The following PPP1R12B variants were observed in gnomAD, a reference collection of about 807,000 sequenced individuals.
The protein encoded by PPP1R12B is myosin phosphatase target subunit 2.
PPP1R12B carries 76 observed loss-of-function variants against 126.1 expected under a neutral mutation model. The ratio of observed to expected loss-of-function variants is 0.60; its 90% CI spans 0.50 to 0.73. PPP1R12B has a LOEUF of 0.73. Among genes scored for constraint, PPP1R12B ranks in the 30% least tolerant of loss-of-function variants. The probability of loss-of-function intolerance (pLI) is 0.00; values close to 1 mark genes in which losing one functional copy is unlikely to be tolerated. For missense variants in PPP1R12B, 1,052 were observed against 1,205.1 expected (o/e 0.87, Z 1.88); for synonymous variants, 356 against 434.7 (o/e 0.82, Z 2.25).
chr1:202,495,728 C>G (rs1053143637), intron 17 of PPP1R12B, 46 bp downstream of exon 17: 1 of 1,518,366 alleles, frequency 6.6e-7, no homozygotes, highest in African/African-American at 1.4e-5. Context: ...TACTCTTGGT[C>G]ACCATTCTTT....
In PPP1R12B at chr1:202,586,156, A is replaced by AGAG. The variant is rs1158830528; in HGVS notation, c.*5600_*5602dup. On this transcript the variant is annotated 3_prime_UTR_variant, in exon 24 of 24. Transcript: ENST00000608999. ...GGTCTTTCCTTCAAAGCAGGTCTGA[A>AGAG]GAGGAGACTACCAAAGCAGTGTTTA... The AGAG allele has an allele frequency of 6.6e-6, 1 of 152,272 alleles. No individual in the cohort carries two copies. Among genetic ancestry groups the AGAG allele is most frequent in the Non-Finnish European group, 1.5e-5 (1 of 68,078 alleles). 9.4% of individuals were successfully genotyped at this position (152,272 alleles called of 1,614,324 possible).
At chr1:202,432,407 A>G (rs1670301195) in intron 8 of PPP1R12B, among the ~76,000 whole-genome samples, 1 of 152,008 alleles carries the variant, frequency 6.6e-6, no homozygotes, top group South Asian at 2.1e-4. Flanking sequence ...AGCTGGGACT[A>G]CAGGTGTGCA....
At chr1:202,575,131 C>A in intron 23 of PPP1R12B, 1 of 1,613,280 alleles carries the variant, frequency 6.2e-7, no homozygotes. Context: ...CACCCAGGAG[C>A]TCTAGTTCTT....
rs74413125 is a variant in PPP1R12B, at chr1:202,437,193, A to C, written c.1255-628A>C. Among the ~76,000 whole-genome samples, 217 of 152,126 alleles carry C rather than the reference A, an allele frequency of 1.4e-3. 4 individuals carry two copies. The East Asian group carries it at 0.039, about 27-fold the overall frequency. On this transcript the variant is annotated intron_variant, in intron 9 of 23. Transcript: ENST00000608999. ...AAAATTTAGAGAAAATTAACTGGGC[A>C]TGGTGGTACATGCTGATAGTCCCAG...
chr1:202,378,178 AAT>A (rs1331598695), intron 1 of PPP1R12B, among the ~76,000 whole-genome samples: 1 of 151,390 alleles, frequency 6.6e-6, no homozygotes, highest in African/African-American at 2.4e-5. Context: ...ATATTTCACA[AAT>A]ATTTATTAAG....
At chr1:202,553,695 C>T (rs890579334) in intron 18 of PPP1R12B, among the ~76,000 whole-genome samples, 3 of 152,136 alleles carry the variant, frequency 2.0e-5, no homozygotes, top group African/African-American at 7.2e-5. Flanking sequence ...AAAGGATCAT[C>T]GATTTGGCTG....
chr1:202,394,767 G>A (rs559238472), intron 1 of PPP1R12B, among the ~76,000 whole-genome samples: 2 of 151,442 alleles, frequency 1.3e-5, no homozygotes, highest in East Asian at 3.9e-4. Context: ...AAAAAAAAAG[G>A]AAGGAAGGGG....
At chr1:202,468,492 C>G (rs1675359475) in intron 13 of PPP1R12B, among the ~76,000 whole-genome samples, 1 of 152,118 alleles carries the variant, frequency 6.6e-6, no homozygotes, top group African/African-American at 2.4e-5. Context: ...TAGATTCTGC[C>G]CAGATCATCC....
Position 202,584,242 on chromosome 1 carries a change from GT to G in PPP1R12B, c.*3685del, listed in dbSNP as rs1174453212. 1 of 152,150 alleles carries G rather than the reference GT, an allele frequency of 6.6e-6. No individual in the cohort carries two copies. Among genetic ancestry groups the G allele is most frequent in the East Asian group, 1.9e-4 (1 of 5,202 alleles). The allele number at this position is 152,150 out of a possible 1,614,324, so 9.4% of individuals were successfully genotyped here. ...TTACTTCTCTTCTGGGCTTCCCCTGGTTTCTGTCCTAGTTCCCACCCCAAGT... is the reference window on the plus strand; with the variant it reads ...TTACTTCTCTTCTGGGCTTCCCCTGGTTCTGTCCTAGTTCCCACCCCAAGT... On this transcript the variant is annotated 3_prime_UTR_variant, in exon 24 of 24. Transcript: ENST00000608999.
chr1:202,502,468 T>G (rs1394402510), intron 18 of PPP1R12B: 1 of 982,626 alleles, frequency 1.0e-6, no homozygotes, highest in Non-Finnish European at 1.2e-6. Flanking sequence ...TTTTCCATTT[T>G]GTCCTGCCTT....
intron 12 of PPP1R12B, chr1:202,448,463 A>C (rs1672529806): frequency 1.3e-5 from 2 of 152,868 alleles, no homozygotes; most frequent in African/African-American, 4.8e-5. Context: ...GGGAGAACTA[A>C]GCATACTGAG....
rs570148194 is a variant in PPP1R12B, at chr1:202,430,579, GAT to G, written c.922-149_922-148del. 1.1e-3 allele frequency: 727 copies of G among 666,692 alleles called. 1 individual carries two copies. Among genetic ancestry groups the G allele is most frequent in the Admixed American group, 2.4e-3 (75 of 31,400 alleles). 41.3% of individuals were successfully genotyped at this position (666,692 alleles called of 1,614,324 possible). ...TTCTGTCATCTAAGGAGACCCAACT[GAT>G]ATGTTTCTCTTTTTCTCGGGTTCCC... is the stretch of plus-strand genomic sequence containing the variant. On this transcript the variant is annotated intron_variant, in intron 6 of 23. Transcript: ENST00000608999.
intron 1 of PPP1R12B, among the ~76,000 whole-genome samples, chr1:202,387,786 T>C (rs1383633205): frequency 6.6e-6 from 1 of 152,164 alleles, no homozygotes; most frequent in African/African-American, 2.4e-5. Flanking sequence ...ATAGATGCAC[T>C]AGAAGTTTAA....
At chr1:202,376,691 G>T (rs1346028381) in intron 1 of PPP1R12B, among the ~76,000 whole-genome samples, 1 of 152,072 alleles carries the variant, frequency 6.6e-6, no homozygotes. Flanking sequence ...AATTACCCTG[G>T]AAGTTGTTAT....
At position 202,383,516 on chromosome 1, in the gene PPP1R12B, G is replaced by A. The variant is rs1662664308; in HGVS notation, c.292-33271G>A. ...AGGCAGGGAGATCACTTGAGATCAGGAGTTAAAGACCAGCCTGGCCAACAT... is the reference window on the plus strand; with the variant it reads ...AGGCAGGGAGATCACTTGAGATCAGAAGTTAAAGACCAGCCTGGCCAACAT... On this transcript the variant is annotated intron_variant, in intron 1 of 23. Coordinates refer to ENST00000608999, the MANE Select transcript of PPP1R12B (RefSeq NM_002481.4). Among the ~76,000 whole-genome samples, 2 of 152,124 alleles carry A rather than the reference G, an allele frequency of 1.3e-5. 1 individual carries two copies. The highest frequency in any genetic ancestry group is 4.1e-4 in the South Asian group (2 of 4,832).
intron 18 of PPP1R12B, among the ~76,000 whole-genome samples, chr1:202,535,525 A>G (rs1367249855): frequency 6.6e-6 from 1 of 152,166 alleles, no homozygotes. Context: ...AAAAACTAAC[A>G]TATGCAGTTC....
chr1:202,411,128 G>GC (rs1212482119), intron 1 of PPP1R12B, among the ~76,000 whole-genome samples: 3 of 152,148 alleles, frequency 2.0e-5, no homozygotes, highest in African/African-American at 7.2e-5. Context: ...GAATGAGTCA[G>GC]CAGCACAGCT....
rs4950859 is a variant in PPP1R12B at position 202,583,711 on chromosome 1, T to C, written c.*3151T>C. 0.52 allele frequency: 79,647 copies of C among 151,954 alleles called. 23,426 individuals carry two copies. Among genetic ancestry groups the C allele is most frequent in the South Asian group, 0.7 (3,377 of 4,816 alleles). The allele number at this position is 151,954 out of a possible 1,614,324, so 9.4% of individuals were successfully genotyped here. On this transcript the variant is annotated 3_prime_UTR_variant, in exon 24 of 24. Transcript: ENST00000608999. The stretch of plus-strand genomic sequence containing the variant: ...TTGTGCTGCTTGGACAGGTACCTAC[T>C]GCTGGCCTCTTCAGTGGCCACAATC...
At chr1:202,494,780 T>C (rs1359841373) in intron 15 of PPP1R12B, among the ~76,000 whole-genome samples, 1 of 152,016 alleles carries the variant, frequency 6.6e-6, no homozygotes, top group Non-Finnish European at 1.5e-5. Flanking sequence ...ATGGGAACTT[T>C]AGAAAGTTTC....
Sources: gnomAD v4.1 joint callset for allele counts (sites outside exome capture counted in the v4.1 genomes callset) on GRCh38, gnomAD v4.1.1 for gene constraint, MANE v1.5 for transcripts, NCBI Gene and HGNC (gene_info 2026-07-23, HGNC 2026-07-21) for gene names.